The following RTN4 variants were observed in gnomAD, a reference collection of about 807,000 sequenced individuals.
RTN4 encodes reticulon-4.
In RTN4, 32 loss-of-function variants were observed where a neutral mutation model predicts 90.4. The ratio of observed to expected loss-of-function variants is 0.35; its 90% CI spans 0.27 to 0.48. The LOEUF (loss-of-function observed/expected upper bound fraction) is 0.48, where lower values mean the gene tolerates loss of function less well. RTN4 is among the 20% of genes least tolerant of loss of function. The pLI is 0.99. For synonymous variants in RTN4, 629 were observed against 552.5 expected, an observed-to-expected ratio of 1.14 and a Z score of -1.94; for missense variants, 1,706 against 1,430.2, an observed-to-expected ratio of 1.19 and a Z score of -3.11.
intron 3 of RTN4, among the ~76,000 whole-genome samples, chr2:55,006,384 G>C (rs1033947732): frequency 6.6e-6 from 1 of 151,908 alleles, no homozygotes; most frequent in African/African-American, 2.4e-5. Flanking sequence ...GGCATTTTTT[G>C]GCCTTCCCGA....
At chr2:55,030,185 T>C (rs1682201726) in intron 1 of RTN4, among the ~76,000 whole-genome samples, 1 of 152,142 alleles carries the variant, frequency 6.6e-6, no homozygotes, top group Non-Finnish European at 1.5e-5. Flanking sequence ...ATTTGTGCCA[T>C]AATTTTAAAG....
intron 3 of RTN4, among the ~76,000 whole-genome samples, chr2:55,010,893 C>T (rs1680583121): frequency 1.3e-5 from 2 of 152,208 alleles, no homozygotes; most frequent in African/African-American, 4.8e-5. Flanking sequence ...TCATCATCTG[C>T]TCCAACTCAA....
At chr2:54,983,188 T>G (rs921111028) in intron 4 of RTN4, among the ~76,000 whole-genome samples, 1 of 151,932 alleles carries the variant, frequency 6.6e-6, no homozygotes, top group African/African-American at 2.4e-5. Flanking sequence ...GTTCAATATG[T>G]CAAGCACCAG....
At chr2:55,091,177 G>T (rs1359695298) in intron 1 of RTN4, among the ~76,000 whole-genome samples, 2 of 152,188 alleles carry the variant, frequency 1.3e-5, no homozygotes, top group African/African-American at 2.4e-5. Flanking sequence ...AAATCGGACA[G>T]TATGGCTCCA....
intron 2 of RTN4, among the ~76,000 whole-genome samples, chr2:55,027,916 T>C (rs1234229604): frequency 6.6e-6 from 1 of 152,164 alleles, no homozygotes. Flanking sequence ...AGAAAGGGAA[T>C]GGTAAATATG....
intron 3 of RTN4, among the ~76,000 whole-genome samples, chr2:55,000,752 G>A (rs1456588658): frequency 4.6e-5 from 7 of 152,092 alleles, no homozygotes; most frequent in Non-Finnish European, 8.8e-5. Context: ...GTATTTAAAA[G>A]ACTATATTAA....
intron 2 of RTN4, among the ~76,000 whole-genome samples, chr2:55,070,268 C>T (rs1199786587): frequency 6.6e-6 from 1 of 151,948 alleles, no homozygotes; most frequent in African/African-American, 2.4e-5. Context: ...CCCACCCCCC[C>T]AAACAAAAGG....
upstream of RTN4, chr2:55,050,690 G>A (rs199946596): frequency 6.1e-6 from 1 of 164,154 alleles, no homozygotes; most frequent in Admixed American, 6.4e-5. The surrounding 1 kb of genome is among the most constrained non-coding windows in gnomAD (Gnocchi z 4.6). Context: ...AAAGTGGGTG[G>A]GGACTACGGC....
chr2:54,973,072 G>T lies in RTN4; in HGVS notation c.*84C>A. 1 of 1,134,696 alleles carries T rather than the reference G, an allele frequency of 8.8e-7. No homozygotes were observed. Among genetic ancestry groups the T allele is most frequent in the South Asian group, 1.4e-5 (1 of 72,632 alleles). The allele number at this position is 1,134,696 out of a possible 1,614,324, so 70.3% of individuals were successfully genotyped here. On this transcript the variant is annotated 3_prime_UTR_variant, in exon 9 of 9. Transcript: ENST00000337526. Reference sequence around the variant, plus strand: ...TGTGAAACTGCACTGCAACGTCAAGGTTCGTTCTTCCCTGACCCTCCCCCG... The same window carrying T: ...TGTGAAACTGCACTGCAACGTCAAGTTTCGTTCTTCCCTGACCCTCCCCCG...
At chr2:55,103,411 T>C (rs1364476405) in intron 1 of RTN4, among the ~76,000 whole-genome samples, 1 of 152,054 alleles carries the variant, frequency 6.6e-6, no homozygotes, top group Non-Finnish European at 1.5e-5. Context: ...GCATAGTGCC[T>C]ATAGCTAACA....
In RTN4 at chr2:55,065,015, A is replaced by G. The variant is rs78088863; in HGVS notation, c.-63+15474T>C. Among the ~76,000 whole-genome samples, 10 of 152,342 alleles carry G rather than the reference A, an allele frequency of 6.6e-5. No individual in the cohort carries two copies. The East Asian group carries it at 1.9e-3, about 29-fold the overall frequency. The stretch of plus-strand genomic sequence containing the variant: ...ATGTGTTTGTAAACATTGTACCCCA[A>G]ATAAGCCAGTAAGCATATGCTGGAA... On this transcript the variant is annotated intron_variant, in intron 2 of 3. Transcript: ENST00000427710.
At chr2:54,995,545 G>C (rs1033672535) in intron 3 of RTN4, among the ~76,000 whole-genome samples, 3 of 151,970 alleles carry the variant, frequency 2.0e-5, no homozygotes, top group Non-Finnish European at 2.9e-5. Context: ...ATACTTTATG[G>C]GTTTTTATTT....
At chr2:55,000,734 T>C (rs1366973647) in intron 3 of RTN4, among the ~76,000 whole-genome samples, 3 of 152,210 alleles carry the variant, frequency 2.0e-5, no homozygotes, top group African/African-American at 4.8e-5. Context: ...CACTCTATTA[T>C]ACCTTTTGTA....
At chr2:54,988,566 C>G (rs1413238596) in intron 3 of RTN4, among the ~76,000 whole-genome samples, 4 of 151,972 alleles carry the variant, frequency 2.6e-5, no homozygotes. Context: ...TAAGATCTGT[C>G]TTTTAGAAAC....
chr2:55,078,495 A>C (rs530431546), intron 2 of RTN4, among the ~76,000 whole-genome samples: 1 of 152,390 alleles, frequency 6.6e-6, no homozygotes, highest in Non-Finnish European at 1.5e-5. Flanking sequence ...AAAAAACAGT[A>C]ACAAAAAGTA....
Position 55,050,433 on chromosome 2 carries a change from T to C in RTN4, c.-133A>G. ...GACTGAGCCGAGGGACCTACTGTGG[T>C]GACGGCTCCCGGAACAATGAGACTG... On this transcript the variant is annotated 5_prime_UTR_variant, in exon 1 of 9. Transcript: ENST00000337526. This position sits in a 1 kb window ranked among gnomAD's most constrained non-coding sequence, Gnocchi z 4.6. The C allele has an allele frequency of 2.2e-6, 1 of 464,762 alleles. No homozygotes were observed. Among genetic ancestry groups the C allele is most frequent in the Non-Finnish European group, 3.6e-6 (1 of 275,186 alleles). The allele number at this position is 464,762 out of a possible 1,614,324, so 28.8% of individuals were successfully genotyped here. A position where few individuals can be genotyped will look rare whatever the true frequency, so the allele number is the denominator to read the frequency against.
chr2:55,024,801 A>G (rs1158487393), intron 3 of RTN4, among the ~76,000 whole-genome samples: 2 of 152,186 alleles, frequency 1.3e-5, no homozygotes. Flanking sequence ...AGAAAGAAAG[A>G]AAGAAATAGG....
In RTN4 at chr2:55,026,835, T is replaced by C; in HGVS notation, c.1264A>G (p.Lys422Glu). The change falls in exon 3 of 9, where the codon AAA becomes GAA. Residue 422 changes from lysine to glutamate, a missense_variant. Physicochemically the swap from Lys to Glu is moderately conservative, Grantham distance 56 (BLOSUM62 1). Transcript: ENST00000337526. ...IESNLESKVD[K>E]KCFADSLEQT... ...TCAAGGCTATCTGCAAAACATTTTT[T>C]ATCCACTTTACTTTCCAAGTTGCTC... 6.2e-7 allele frequency: 1 copy of C among 1,613,946 alleles called. No individual in the cohort carries two copies. The highest frequency in any genetic ancestry group is 8.5e-7 in the Non-Finnish European group (1 of 1,179,886).
At chr2:54,985,747 G>C (rs1269843490) in intron 4 of RTN4, among the ~76,000 whole-genome samples, 2 of 152,104 alleles carry the variant, frequency 1.3e-5, no homozygotes, top group East Asian at 3.8e-4. Flanking sequence ...CTCTTTCAAA[G>C]TCTGTAAATC....
Sources: gnomAD v4.1 joint callset for allele counts (sites outside exome capture counted in the v4.1 genomes callset) on GRCh38, gnomAD v4.1.1 for gene constraint, Gnocchi (gnomAD v3.1) non-coding constraint, MANE v1.5 for transcripts, NCBI Gene and HGNC (gene_info 2026-07-23, HGNC 2026-07-21) for gene names.